Variants in SPECC1 observed in about 807,000 individuals in gnomAD.
The protein encoded by SPECC1 is cytospin-B.
Under a neutral mutation model 104.1 loss-of-function variants are expected in SPECC1, and 62 were observed. The ratio of observed to expected loss-of-function variants is 0.60; its 90% CI spans 0.49 to 0.74. The LOEUF (loss-of-function observed/expected upper bound fraction) is 0.74, where lower values mean the gene tolerates loss of function less well. Ranked by LOEUF, SPECC1 falls within the 30% of genes least tolerant of loss-of-function variation. The pLI, the probability that SPECC1 is intolerant of heterozygous loss-of-function variation, is 0.00. For missense variants in SPECC1, 1,306 were observed against 1,310.5 expected, an observed-to-expected ratio of 1.00 and a Z score of 0.05; for synonymous variants, 513 against 501.6, an observed-to-expected ratio of 1.02 and a Z score of -0.30.
chr17:20,303,032 T>C (rs1304583043), intron 13 of SPECC1, among the ~76,000 whole-genome samples: 5 of 152,100 alleles, frequency 3.3e-5, no homozygotes, highest in Non-Finnish European at 7.4e-5. Flanking sequence ...AAAATATTTT[T>C]AGCCTGATAC....
chr17:20,045,072 A>G (rs879882374), intron 1 of SPECC1, among the ~76,000 whole-genome samples: 8 of 152,254 alleles, frequency 5.3e-5, no homozygotes, highest in East Asian at 1.9e-4. Context: ...TACAAGCAGT[A>G]TAGATATACA....
chr17:20,301,192 A>C (rs1347968588), intron 13 of SPECC1, among the ~76,000 whole-genome samples: 1 of 152,168 alleles, frequency 6.6e-6, no homozygotes, highest in East Asian at 1.9e-4. Flanking sequence ...CCCAACAGGC[A>C]GACTCGTACC....
chr17:20,154,255 C>T (rs1399316816), intron 3 of SPECC1, among the ~76,000 whole-genome samples: 1 of 152,144 alleles, frequency 6.6e-6, no homozygotes, highest in Non-Finnish European at 1.5e-5. Flanking sequence ...TGATCAGTGT[C>T]ACAGAGGCCA....
intron 1 of SPECC1, among the ~76,000 whole-genome samples, chr17:20,084,925 C>A (rs1191534109): frequency 6.6e-6 from 1 of 152,196 alleles, no homozygotes; most frequent in Non-Finnish European, 1.5e-5. Flanking sequence ...GGTGTAAGGC[C>A]TGCTGATAAG....
At chr17:20,123,351 G>A (rs1386738363) in intron 3 of SPECC1, among the ~76,000 whole-genome samples, 2 of 152,222 alleles carry the variant, frequency 1.3e-5, no homozygotes, top group Non-Finnish European at 2.9e-5. Context: ...GATGCTTGCA[G>A]AATCTCAGAC....
At chr17:20,295,657 T>G (rs2041324968) in intron 12 of SPECC1, among the ~76,000 whole-genome samples, 1 of 152,230 alleles carries the variant, frequency 6.6e-6, no homozygotes, top group Admixed American at 6.5e-5. Context: ...GTGTTCCTAT[T>G]TCTCAACATC....
At chr17:20,266,738 G>A (rs1395467155) in intron 12 of SPECC1, among the ~76,000 whole-genome samples, 2 of 152,162 alleles carry the variant, frequency 1.3e-5, no homozygotes, top group African/African-American at 2.4e-5. Context: ...TTGTATTGCC[G>A]TGGAGAGAAA....
At chr17:20,116,138 A>T (rs2048742512) in intron 3 of SPECC1, among the ~76,000 whole-genome samples, 1 of 151,790 alleles carries the variant, frequency 6.6e-6, no homozygotes, top group South Asian at 2.1e-4. Flanking sequence ...CCCAGGCTGG[A>T]GTGCAGTGGC....
chr17:20,174,711 G>A (rs1236190290), intron 3 of SPECC1, among the ~76,000 whole-genome samples: 1 of 152,054 alleles, frequency 6.6e-6, no homozygotes, highest in East Asian at 1.9e-4. Context: ...CACTCACCGA[G>A]TATTTTCTTC....
intron 1 of SPECC1, among the ~76,000 whole-genome samples, chr17:20,037,480 C>T (rs1276142994): frequency 6.6e-6 from 1 of 151,546 alleles, no homozygotes; most frequent in Non-Finnish European, 1.5e-5. Flanking sequence ...TGCCCTTGTC[C>T]AGTGCTTCTT....
Position 20,315,018 on chromosome 17 carries a change from C to A in SPECC1, c.*953C>A. 4.3e-6 allele frequency: 1 copy of A among 232,796 alleles called. No homozygotes were observed. The highest frequency in any genetic ancestry group is 8.5e-6 in the Non-Finnish European group (1 of 117,780). 14.4% of individuals were successfully genotyped at this position (232,796 alleles called of 1,614,324 possible). On this transcript the variant is annotated 3_prime_UTR_variant, in exon 15 of 15. Coordinates refer to ENST00000395527, the MANE Select transcript of SPECC1 (RefSeq NM_001243439.2). The stretch of plus-strand genomic sequence containing the variant: ...GGGAAACCGCAGTCCTCGTCACCTG[C>A]GCCTTTGTCCTCCCATTCGTTTACC...
At chr17:20,021,674 T>A (rs910270045) in intron 1 of SPECC1, among the ~76,000 whole-genome samples, 5 of 141,836 alleles carry the variant, frequency 3.5e-5, no homozygotes, top group South Asian at 2.1e-4. Flanking sequence ...TATATATATA[T>A]AATATAATAA....
intron 9 of SPECC1, among the ~76,000 whole-genome samples, chr17:20,253,181 C>T (rs970080146): frequency 2.6e-5 from 4 of 152,084 alleles, no homozygotes; most frequent in African/African-American, 9.7e-5. Flanking sequence ...AATACTTATA[C>T]ACACATCCTT....
chr17:20,294,165 A>G (rs2041264159), intron 12 of SPECC1, among the ~76,000 whole-genome samples: 1 of 152,154 alleles, frequency 6.6e-6, no homozygotes, highest in Non-Finnish European at 1.5e-5. Context: ...TATTTTTAGT[A>G]GAGACGGGGT....
intron 3 of SPECC1, among the ~76,000 whole-genome samples, chr17:20,179,532 G>A (rs1433213419): frequency 6.6e-6 from 1 of 152,244 alleles, no homozygotes; most frequent in African/African-American, 2.4e-5. Context: ...ACCTTTAACT[G>A]AGACTAATAA....
intron 3 of SPECC1, among the ~76,000 whole-genome samples, chr17:20,123,168 T>C (rs1285080900): frequency 6.6e-6 from 1 of 152,232 alleles, no homozygotes; most frequent in African/African-American, 2.4e-5. Flanking sequence ...AGGAGGTTCA[T>C]GTAGCCACAT....
At chr17:20,217,875 A>G (rs2037605315) in intron 4 of SPECC1, among the ~76,000 whole-genome samples, 2 of 152,114 alleles carry the variant, frequency 1.3e-5, no homozygotes, top group African/African-American at 4.8e-5. Flanking sequence ...CCACCTATAA[A>G]AAAAAAATGA....
At chr17:20,105,288 T>TCTTA (rs1263712892) in intron 2 of SPECC1, among the ~76,000 whole-genome samples, 4 of 152,154 alleles carry the variant, frequency 2.6e-5, no homozygotes, top group Non-Finnish European at 5.9e-5. Flanking sequence ...AGAAATGGAG[T>TCTTA]CTTACTATGT....
intron 4 of SPECC1, among the ~76,000 whole-genome samples, chr17:20,214,163 A>G (rs539670748): frequency 8.5e-5 from 13 of 152,244 alleles, no homozygotes; most frequent in Non-Finnish European, 1.2e-4. Flanking sequence ...CAGCCCTCCC[A>G]CTTTAGCCTC....
Sources: gnomAD v4.1 joint callset for allele counts (sites outside exome capture counted in the v4.1 genomes callset) on GRCh38, gnomAD v4.1.1 for gene constraint, MANE v1.5 for transcripts, NCBI Gene and HGNC (gene_info 2026-07-23, HGNC 2026-07-21) for gene names.